The following DMXL2 variants were observed in gnomAD, a reference collection of about 807,000 sequenced individuals.
DMXL2 encodes dmX-like protein 2.
In DMXL2, 103 loss-of-function variants were observed where a neutral mutation model predicts 331.1. That is an observed-to-expected ratio of 0.31 (90% CI 0.27 to 0.37). DMXL2 has a LOEUF of 0.37. DMXL2 is among the 10% of genes least tolerant of loss of function. The pLI, the probability that DMXL2 is intolerant of heterozygous loss-of-function variation, is 1.00. For synonymous variants in DMXL2, 1,281 were observed against 1,252.1 expected (o/e 1.02, Z -0.49); for missense variants, 3,171 against 3,642.9 (o/e 0.87, Z 3.33).
chr15:51,558,764 T>G (rs1375396785), intron 6 of DMXL2, among the ~76,000 whole-genome samples: 1 of 152,184 alleles, frequency 6.6e-6, no homozygotes, highest in African/African-American at 2.4e-5. Flanking sequence ...TACCCTCACC[T>G]TAGAAAGTGA....
intron 6 of DMXL2, among the ~76,000 whole-genome samples, chr15:51,553,786 G>T: frequency 8.9e-6 from 1 of 112,376 alleles, no homozygotes; most frequent in African/African-American, 3.2e-5. Flanking sequence ...CACATGCAGG[G>T]TTTAAAAAAA....
Position 51,554,724 on chromosome 15 carries a change from G to A in DMXL2, c.568-7316C>T, listed in dbSNP as rs907092884. ...GGGGTGAGAGTTAGCAGAAGATGAG[G>A]TTGAAGCAGTGACGAGAGTCCTGGT... On this transcript the variant is annotated intron_variant, in intron 6 of 43. Coordinates refer to ENST00000560891, the MANE Select transcript of DMXL2 (RefSeq NM_001378457.1). Among the ~76,000 whole-genome samples, 10 of 152,210 alleles carry A rather than the reference G, an allele frequency of 6.6e-5. 1 individual carries two copies. Among genetic ancestry groups the A allele is most frequent in the Admixed American group, 5.9e-4 (9 of 15,286 alleles).
intron 1 of DMXL2, among the ~76,000 whole-genome samples, chr15:51,604,784 A>G (rs1205110555): frequency 1.3e-5 from 2 of 152,216 alleles, no homozygotes; most frequent in Admixed American, 1.3e-4. Flanking sequence ...AGAATAACTA[A>G]AACAATTGTA....
In DMXL2 at chr15:51,568,543, C is replaced by G; in HGVS notation, c.229G>C (p.Gly77Arg). 1 of 1,575,590 alleles carries G rather than the reference C, an allele frequency of 6.3e-7. No homozygotes were observed. The highest frequency in any genetic ancestry group is 1.2e-5 in the South Asian group (1 of 83,862). ...NQQGRIAASYGNAVCIFEPLG... is the reference protein window; with the variant it reads ...NQQGRIAASYRNAVCIFEPLG... ...GGCTCAAATATACAAACAGCATTAC[C>G]ATATGAAGCTGCAATCTAAAAAAGA... Residue 77 changes from glycine (G) to arginine (R), a missense_variant, in exon 3 of 44, where the codon GGT becomes CGT. By Grantham distance (125) the Gly-to-Arg change is moderately radical. Around this residue, in one of 7 missense-constraint regions of DMXL2, gnomAD observed 1,674 missense variants for 1,780.2 expected, o/e 0.94. Transcript: ENST00000560891.
chr15:51,593,248 AG>A, intron 1 of DMXL2, among the ~76,000 whole-genome samples: 1 of 152,298 alleles, frequency 6.6e-6, no homozygotes, highest in East Asian at 1.9e-4. Context: ...AAACAAAAAA[AG>A]GCAGGGGTTG....
At position 51,499,175 on chromosome 15, in the gene DMXL2, G is replaced by A; in HGVS notation, c.4049C>T (p.Thr1350Ile). The A allele has an allele frequency of 6.2e-7, 1 of 1,614,050 alleles. No individual in the cohort carries two copies. The highest frequency in any genetic ancestry group is 8.5e-7 in the Non-Finnish European group (1 of 1,179,978). ...LSPTLPQYHPTQLLELMDLGK... is the reference protein window; with the variant it reads ...LSPTLPQYHPIQLLELMDLGK... ...TAAATCCATCAATTCTAACAGCTGA[G>A]TTGGATGATATTGTGGAAGAGTAGG... Residue 1350 changes from threonine to isoleucine, a missense_variant, in exon 18 of 44, where the codon ACT becomes ATT. Transcript: ENST00000560891.
At chr15:51,487,268 T>C (rs887724977) in intron 22 of DMXL2, among the ~76,000 whole-genome samples, 2 of 152,194 alleles carry the variant, frequency 1.3e-5, no homozygotes, top group African/African-American at 4.8e-5. Context: ...TCCTTATTTA[T>C]GAATTTCATT....
chr15:51,552,154 A>G (rs186020461), intron 6 of DMXL2, among the ~76,000 whole-genome samples: 1 of 152,326 alleles, frequency 6.6e-6, no homozygotes, highest in Non-Finnish European at 1.5e-5. Flanking sequence ...GTGGGAATGA[A>G]GCTGGAGAGG....
chr15:51,536,842 A>T lies in DMXL2; in HGVS notation c.1638T>A (p.Ile546=). 6.2e-7 allele frequency: 1 copy of T among 1,601,452 alleles called. No homozygotes were observed. Among genetic ancestry groups the T allele is most frequent in the Non-Finnish European group, 8.5e-7 (1 of 1,176,254 alleles). Residue 546 remains isoleucine, a synonymous_variant, in exon 12 of 44, where the codon ATT becomes ATA. Coordinates refer to ENST00000560891, the MANE Select transcript of DMXL2 (RefSeq NM_001378457.1). ...RQVQVSFSSR[I]PVAFPSGDAS... ...CATCACCAGAGGGAAATGCAACAGGAATCCGAGAAGAAAAAGAAACCTGAA... is the reference window on the plus strand; with the variant it reads ...CATCACCAGAGGGAAATGCAACAGGTATCCGAGAAGAAAAAGAAACCTGAA...
chr15:51,451,868 T>C (rs2039173965), intron 41 of DMXL2, among the ~76,000 whole-genome samples, 171 bp from the exon 42 acceptor site: 1 of 152,190 alleles, frequency 6.6e-6, no homozygotes, highest in African/African-American at 2.4e-5. Flanking sequence ...AGGGTCAAAC[T>C]ACACAGTTCC....
At chr15:51,621,553 GTCTA>G (rs1196144261) in intron 1 of DMXL2, among the ~76,000 whole-genome samples, 6 of 152,176 alleles carry the variant, frequency 3.9e-5, no homozygotes, top group South Asian at 2.1e-4. Context: ...ATTTATGGGA[GTCTA>G]TCTATGAGTA....
chr15:51,459,764 A>T lies in DMXL2; in HGVS notation c.7927-104T>A, dbSNP rs1215998312. ...GAAATGGCCACTCCACCACTTAAAG[A>T]TGATAAAAATGAATTTGCAAAATCA... On this transcript the variant is annotated intron_variant, in intron 33 of 43. Transcript: ENST00000560891. 6.6e-6 allele frequency: 8 copies of T among 1,214,660 alleles called. No individual in the cohort carries two copies. In the East Asian group the frequency reaches 4.7e-4, roughly 71 times the overall value. The allele number at this position is 1,214,660 out of a possible 1,614,324, so 75.2% of individuals were successfully genotyped here. A position where few individuals can be genotyped will look rare whatever the true frequency, so the allele number is the denominator to read the frequency against.
rs75817910 is a variant in DMXL2, at chr15:51,574,958, A to C, written c.213+1098T>G. Reference sequence around the variant, plus strand: ...CTACCTTGCTTGGCCTAGAGAGAAGAGCAACAAAAAATTAAAAAGAGAAAT... The same window carrying C: ...CTACCTTGCTTGGCCTAGAGAGAAGCGCAACAAAAAATTAAAAAGAGAAAT... On this transcript the variant is annotated intron_variant, in intron 2 of 43. Transcript: ENST00000560891. Among the ~76,000 whole-genome samples the C allele has an allele frequency of 2.6e-3, 401 of 152,324 alleles. 18 individuals are homozygous for C. In the East Asian group the frequency reaches 0.062, roughly 24 times the overall value.
chr15:51,563,993 G>GA (rs60259473), intron 5 of DMXL2, 132 bp downstream of exon 5: 6 of 962,236 alleles, frequency 6.2e-6, no homozygotes, highest in East Asian at 5.4e-5. Flanking sequence ...GTTTTGGTTA[G>GA]AAAAAAATCT....
chr15:51,545,841 A>C (rs1371959260), intron 7 of DMXL2, 75 bp from the exon 8 acceptor site: 4 of 1,280,542 alleles, frequency 3.1e-6, no homozygotes, highest in Admixed American at 2.1e-5. Context: ...TTGGTTCTTC[A>C]TGCATAAAGA....
intron 20 of DMXL2, among the ~76,000 whole-genome samples, chr15:51,490,263 T>C (rs951571582): frequency 1.3e-5 from 2 of 152,174 alleles, no homozygotes; most frequent in Admixed American, 6.5e-5. Flanking sequence ...ACCAGAATCA[T>C]GGGATGCTGA....
chr15:51,569,181 G>A (rs1360059107), intron 2 of DMXL2, among the ~76,000 whole-genome samples: 1 of 152,226 alleles, frequency 6.6e-6, no homozygotes, highest in African/African-American at 2.4e-5. Context: ...AGCAAGCTAA[G>A]ATCCACTGGC....
rs2043369649 is a variant in DMXL2 at position 51,498,811 on chromosome 15, C to A, written c.4413G>T (p.Leu1471=). ...CCGTTGGTATATCCTGGATTTGAAACAGCTCTGAATACTGATCCTCTGGTT... is the reference window on the plus strand; with the variant it reads ...CCGTTGGTATATCCTGGATTTGAAAAAGCTCTGAATACTGATCCTCTGGTT... The part of the protein sequence containing the change: ...VSQPEDQYSE[L]FQIQDIPTDD... Residue 1471 remains leucine, a synonymous_variant, in exon 18 of 44, where the codon CTG becomes CTT. Coordinates refer to ENST00000560891, the MANE Select transcript of DMXL2 (RefSeq NM_001378457.1). The A allele has an allele frequency of 1.2e-6, 2 of 1,614,154 alleles. No homozygotes were observed. The highest frequency in any genetic ancestry group is 2.7e-5 in the African/African-American group (2 of 75,054).
At chr15:51,487,930 T>C in intron 22 of DMXL2, 24 bp downstream of exon 22, 1 of 1,571,964 alleles carries the variant, frequency 6.4e-7, no homozygotes, top group South Asian at 1.2e-5. Flanking sequence ...ACAAGTATTA[T>C]ATAGTGTGTT....
Sources: gnomAD v4.1 joint callset for allele counts (sites outside exome capture counted in the v4.1 genomes callset) on GRCh38, gnomAD v4.1.1 for gene constraint, gnomAD v4.1.1 regional missense constraint, MANE v1.5 for transcripts, NCBI Gene and HGNC (gene_info 2026-07-23, HGNC 2026-07-21) for gene names.